Variants in KLHL1 observed in about 807,000 individuals in gnomAD.
The protein encoded by KLHL1 is kelch-like protein 1.
In KLHL1, 47 loss-of-function variants were observed where a neutral mutation model predicts 77.7. That is an observed-to-expected ratio of 0.60 (90% CI 0.48 to 0.77). The LOEUF is 0.77. KLHL1 is among the 30% of genes least tolerant of loss of function. KLHL1 has a pLI of 0.00. For missense variants in KLHL1, 925 were observed against 910.8 expected (o/e 1.02, Z -0.20); for synonymous variants, 360 against 325.2 (o/e 1.11, Z -1.15).
chr13:69,991,261 G>A (rs1885020658), intron 1 of KLHL1, among the ~76,000 whole-genome samples: 1 of 151,510 alleles, frequency 6.6e-6, no homozygotes, highest in Non-Finnish European at 1.5e-5. Context: ...AAACAAGAGC[G>A]AACCAACCCA....
intron 1 of KLHL1, among the ~76,000 whole-genome samples, chr13:70,090,850 A>G (rs1289601796): frequency 1.3e-5 from 2 of 152,146 alleles, no homozygotes; most frequent in Non-Finnish European, 2.9e-5. Flanking sequence ...AATTTAGTAA[A>G]CCATAGCTAT....
At chr13:69,914,305 C>A (rs987828487) in intron 4 of KLHL1, among the ~76,000 whole-genome samples, 3 of 152,094 alleles carry the variant, frequency 2.0e-5, no homozygotes, top group African/African-American at 7.2e-5. Context: ...TTTTACTCAA[C>A]AATAAAATTT....
intron 2 of KLHL1, among the ~76,000 whole-genome samples, chr13:69,967,924 A>G (rs971232040): frequency 6.6e-6 from 1 of 152,000 alleles, no homozygotes; most frequent in Non-Finnish European, 1.5e-5. Context: ...ATATTACACA[A>G]ACTTAATTGA....
At chr13:69,981,979 T>G (rs918670024) in intron 1 of KLHL1, among the ~76,000 whole-genome samples, 1 of 151,990 alleles carries the variant, frequency 6.6e-6, no homozygotes, top group African/African-American at 2.4e-5. Flanking sequence ...ATGTGAATAG[T>G]GACATAAAAA....
At chr13:69,946,887 G>T (rs1360668340) in intron 3 of KLHL1, among the ~76,000 whole-genome samples, 1 of 150,012 alleles carries the variant, frequency 6.7e-6, no homozygotes, top group African/African-American at 2.5e-5. Flanking sequence ...GTATTATTAG[G>T]TTGGTACAAA....
At chr13:69,763,853 C>T (rs1416410311) in intron 7 of KLHL1, among the ~76,000 whole-genome samples, 1 of 152,164 alleles carries the variant, frequency 6.6e-6, no homozygotes, top group East Asian at 1.9e-4. Context: ...TATTTTTCTC[C>T]AGAAAACAGG....
rs533218356 is a variant in KLHL1 at position 69,978,634 on chromosome 13, G to A, written c.498-2832C>T. 5.3e-5 allele frequency among the ~76,000 whole-genome samples: 8 copies of A among 151,844 alleles called. No homozygotes were observed. In the South Asian group the frequency reaches 1.5e-3, roughly 28 times the overall value. ...CCTGAGTAGCTGGGATTACAGGCAT[G>A]CACCACCATGCCCGGCTCATTTTTG... On this transcript the variant is annotated intron_variant, in intron 1 of 10. Transcript: ENST00000377844.
In KLHL1 at chr13:69,940,125, T is replaced by C. The variant is rs1158572407; in HGVS notation, c.929A>G (p.His310Arg). The C allele has an allele frequency of 3.7e-6, 6 of 1,613,100 alleles. No homozygotes were observed. Among genetic ancestry groups the C allele is most frequent in the Non-Finnish European group, 5.1e-6 (6 of 1,179,606 alleles). Residue 310 changes from histidine to arginine, a missense_variant, in exon 4 of 11, where the codon CAT becomes CGT. Coordinates refer to ENST00000377844, the MANE Select transcript of KLHL1 (RefSeq NM_020866.3). ...VCCHFLMKLL[H>R]PSNCLGIRAF... is the part of the protein sequence containing the mutation. ...TCGAATTCCTAAACAGTTAGATGGA[T>C]GCAAAAGCTTCATGAGGAAGTGGCA...
At chr13:69,815,985 A>G (rs1878104098) in intron 6 of KLHL1, among the ~76,000 whole-genome samples, 1 of 152,052 alleles carries the variant, frequency 6.6e-6, no homozygotes, top group African/African-American at 2.4e-5. Context: ...TATATAAAAC[A>G]TATTAATCAA....
At chr13:69,934,115 AT>A in intron 4 of KLHL1, among the ~76,000 whole-genome samples, 1 of 152,128 alleles carries the variant, frequency 6.6e-6, no homozygotes, top group Non-Finnish European at 1.5e-5. Context: ...CCTTGCAGGG[AT>A]TTTGAAAGGA....
At chr13:69,719,217 A>AGAGAGC (rs1555300519) in intron 9 of KLHL1, 152 bp downstream of exon 9, 114 of 344,836 alleles carry the variant, frequency 3.3e-4, no homozygotes, top group Middle Eastern at 3.0e-3. Flanking sequence ...TGTGAGAGAG[A>AGAGAGC]GAGAGAGAGA....
At chr13:69,708,134 C>T (rs60288125) in intron 9 of KLHL1, among the ~76,000 whole-genome samples, 2,856 of 151,918 alleles carry the variant, frequency 0.019, 82 homozygotes, top group African/African-American at 0.065. Flanking sequence ...ATGCAGACTC[C>T]TATGGTAATG....
At chr13:69,704,677 A>C (rs1230120550) in intron 10 of KLHL1, among the ~76,000 whole-genome samples, 1 of 151,762 alleles carries the variant, frequency 6.6e-6, no homozygotes, top group Non-Finnish European at 1.5e-5. Flanking sequence ...CCACATAAGT[A>C]CATTTTCAAT....
intron 6 of KLHL1, among the ~76,000 whole-genome samples, chr13:69,827,546 A>G (rs915517173): frequency 3.9e-5 from 6 of 152,026 alleles, no homozygotes; most frequent in African/African-American, 1.4e-4. Flanking sequence ...CCTGGCCAAC[A>G]TGGTGAAACC....
chr13:69,938,556 C>T (rs774795116), intron 4 of KLHL1, among the ~76,000 whole-genome samples: 6 of 151,790 alleles, frequency 4.0e-5, no homozygotes, highest in Non-Finnish European at 7.4e-5. Context: ...GACCATTATC[C>T]CTCTGGATAT....
At chr13:69,711,961 G>C (rs1398654342) in intron 9 of KLHL1, among the ~76,000 whole-genome samples, 2 of 152,060 alleles carry the variant, frequency 1.3e-5, no homozygotes, top group African/African-American at 4.8e-5. Context: ...GCATTTCCCT[G>C]ACGACTAATG....
intron 1 of KLHL1, among the ~76,000 whole-genome samples, chr13:69,991,384 A>G (rs1885024586): frequency 6.6e-6 from 1 of 151,466 alleles, no homozygotes; most frequent in Non-Finnish European, 1.5e-5. Context: ...TTTGAAAACA[A>G]CAACAATGAC....
intron 1 of KLHL1, among the ~76,000 whole-genome samples, chr13:70,009,976 G>A (rs1208083162): frequency 5.9e-5 from 9 of 151,700 alleles, no homozygotes; most frequent in Admixed American, 3.9e-4. Flanking sequence ...AGTAACCAAA[G>A]GAAAGGAGTA....
intron 1 of KLHL1, among the ~76,000 whole-genome samples, chr13:70,060,674 G>A (rs1009458893): frequency 6.6e-5 from 10 of 151,808 alleles, no homozygotes; most frequent in South Asian, 2.1e-4. Context: ...TGAAACCCCC[G>A]TCTTGACCAC....
Sources: gnomAD v4.1 joint callset for allele counts (sites outside exome capture counted in the v4.1 genomes callset) on GRCh38, gnomAD v4.1.1 for gene constraint, MANE v1.5 for transcripts, NCBI Gene and HGNC (gene_info 2026-07-23, HGNC 2026-07-21) for gene names.